Variants in PTPRK observed in about 807,000 individuals in gnomAD.
The protein encoded by PTPRK is receptor-type tyrosine-protein phosphatase kappa.
A neutral mutation model predicts 178.0 loss-of-function variants in PTPRK; 75 were observed. That is an observed-to-expected ratio of 0.42 (90% CI 0.35 to 0.51). The LOEUF (loss-of-function observed/expected upper bound fraction) is 0.51, where lower values mean the gene tolerates loss of function less well. Among genes scored for constraint, PTPRK ranks in the 20% least tolerant of loss-of-function variants. PTPRK has a pLI of 0.02. For synonymous variants in PTPRK, 637 were observed against 620.6 expected (o/e 1.03, Z -0.39); for missense variants, 1,441 against 1,797.8 (o/e 0.80, Z 3.59).
chr6:128,382,667 T>C (rs1033560247), intron 2 of PTPRK, among the ~76,000 whole-genome samples: 1 of 151,970 alleles, frequency 6.6e-6, no homozygotes, highest in African/African-American at 2.4e-5. Flanking sequence ...CTCGAACTCC[T>C]AGCCTCAAGT....
intron 6 of PTPRK, among the ~76,000 whole-genome samples, chr6:128,212,256 T>C (rs887747119): frequency 6.6e-6 from 1 of 152,048 alleles, no homozygotes; most frequent in African/African-American, 2.4e-5. Flanking sequence ...TTTGTCTTTA[T>C]TGAATACTTA....
intron 1 of PTPRK, among the ~76,000 whole-genome samples, chr6:128,449,021 G>T (rs1429356987): frequency 6.6e-6 from 1 of 151,930 alleles, no homozygotes; most frequent in Non-Finnish European, 1.5e-5. Context: ...CACCACGCCT[G>T]GCTAATTTTT....
chr6:128,080,512 G>A (rs917472243), intron 10 of PTPRK, among the ~76,000 whole-genome samples: 1 of 152,126 alleles, frequency 6.6e-6, no homozygotes, highest in Non-Finnish European at 1.5e-5. Context: ...AAAAGGAGCA[G>A]TGACATTAGA....
At chr6:128,003,278 GTT>G in intron 15 of PTPRK, 1 of 1,511,740 alleles carries the variant, frequency 6.6e-7, no homozygotes, top group Non-Finnish European at 9.0e-7. Context: ...CTCTAAAATT[GTT>G]TTTTAAAATC....
intron 3 of PTPRK, among the ~76,000 whole-genome samples, chr6:128,273,701 T>G (rs1247099203): frequency 6.6e-6 from 1 of 152,160 alleles, no homozygotes; most frequent in African/African-American, 2.4e-5. Flanking sequence ...GAATGAAATG[T>G]CTAGGGTTAT....
intron 29 of PTPRK, among the ~76,000 whole-genome samples, chr6:127,971,209 T>C (rs1773861451): frequency 1.3e-5 from 2 of 152,198 alleles, no homozygotes; most frequent in Non-Finnish European, 2.9e-5. Flanking sequence ...ACTTGCTCCA[T>C]AATAAGAATT....
At chr6:128,040,357 A>T (rs922266614) in intron 13 of PTPRK, among the ~76,000 whole-genome samples, 12 of 152,224 alleles carry the variant, frequency 7.9e-5, no homozygotes, top group African/African-American at 2.9e-4. Flanking sequence ...TAGAGGAAAG[A>T]TGTGCTAGGA....
intron 14 of PTPRK, among the ~76,000 whole-genome samples, chr6:128,006,711 T>G (rs1368663247): frequency 6.6e-6 from 1 of 151,012 alleles, no homozygotes; most frequent in African/African-American, 2.4e-5. Flanking sequence ...GTTCATGCTG[T>G]GCATGTAAAA....
chr6:128,331,219 A>T (rs916691542), intron 2 of PTPRK, among the ~76,000 whole-genome samples: 2 of 152,196 alleles, frequency 1.3e-5, no homozygotes, highest in Non-Finnish European at 2.9e-5. Flanking sequence ...GATGTTTTAT[A>T]AAAAAGTCGG....
intron 3 of PTPRK, among the ~76,000 whole-genome samples, chr6:128,278,120 G>GTTTT (rs983035168): frequency 4.7e-4 from 69 of 146,362 alleles, no homozygotes; most frequent in South Asian, 2.2e-3. Context: ...GTGTTTTTGT[G>GTTTT]TTTTTTATTT....
intron 1 of PTPRK, among the ~76,000 whole-genome samples, chr6:128,439,312 T>C (rs556783510): frequency 2.5e-3 from 379 of 152,150 alleles, no homozygotes; most frequent in African/African-American, 8.6e-3. Flanking sequence ...AATAATACAA[T>C]GAGTGCAGAA....
At chr6:128,442,051 T>A (rs2128400761) in intron 1 of PTPRK, among the ~76,000 whole-genome samples, 1 of 152,320 alleles carries the variant, frequency 6.6e-6, no homozygotes, top group East Asian at 1.9e-4. Context: ...CATATTTGAA[T>A]AAATATCAGA....
intron 7 of PTPRK, among the ~76,000 whole-genome samples, chr6:128,177,111 C>T (rs981686666): frequency 3.4e-4 from 51 of 151,626 alleles, no homozygotes; most frequent in African/African-American, 1.1e-3. Flanking sequence ...CCCAATAGCA[C>T]CATCAAAGAA....
chr6:128,426,739 G>A (rs1247058664), intron 1 of PTPRK, among the ~76,000 whole-genome samples: 3 of 152,188 alleles, frequency 2.0e-5, no homozygotes, highest in South Asian at 2.1e-4. Flanking sequence ...ATGTTTTGGC[G>A]GGAAAAGTGA....
chr6:128,193,656 A>G (rs1804301699), intron 6 of PTPRK, among the ~76,000 whole-genome samples: 1 of 152,224 alleles, frequency 6.6e-6, no homozygotes, highest in Non-Finnish European at 1.5e-5. Flanking sequence ...TGTCTATGAC[A>G]TGGCTCTTTC....
At chr6:128,459,389 C>A (rs2128411099) in intron 1 of PTPRK, among the ~76,000 whole-genome samples, 1 of 152,214 alleles carries the variant, frequency 6.6e-6, no homozygotes, top group East Asian at 1.9e-4. Context: ...CTTGTTCCAC[C>A]TCACCAAGTT....
intron 2 of PTPRK, among the ~76,000 whole-genome samples, chr6:128,373,228 CTT>C (rs1198992242): frequency 6.6e-6 from 1 of 152,200 alleles, no homozygotes; most frequent in Non-Finnish European, 1.5e-5. Flanking sequence ...GGACTTGACT[CTT>C]TGCAAAGCTG....
At chr6:128,209,581 G>A (rs1208099481) in intron 6 of PTPRK, among the ~76,000 whole-genome samples, 3 of 152,126 alleles carry the variant, frequency 2.0e-5, no homozygotes, top group Non-Finnish European at 2.9e-5. Flanking sequence ...TCATTCATAT[G>A]GCACTTTATA....
At chr6:128,432,215 A>T (rs1234636227) in intron 1 of PTPRK, among the ~76,000 whole-genome samples, 2 of 152,252 alleles carry the variant, frequency 1.3e-5, no homozygotes, top group Non-Finnish European at 2.9e-5. Flanking sequence ...AAATAGGTAG[A>T]CTGTGATAAC....
Sources: gnomAD v4.1 joint callset for allele counts (sites outside exome capture counted in the v4.1 genomes callset) on GRCh38, gnomAD v4.1.1 for gene constraint, MANE v1.5 for transcripts, NCBI Gene and HGNC (gene_info 2026-07-23, HGNC 2026-07-21) for gene names.